The following ZFP64 variants were observed in gnomAD, a reference collection of about 807,000 sequenced individuals.
ZFP64 encodes ZFP64 zinc finger protein.
Under a neutral mutation model 51.6 loss-of-function variants are expected in ZFP64, and 14 were observed. The ratio of observed to expected loss-of-function variants is 0.27; its 90% CI spans 0.18 to 0.42. The LOEUF (loss-of-function observed/expected upper bound fraction) is 0.42. Among genes scored for constraint, ZFP64 ranks in the 10% least tolerant of loss-of-function variants. ZFP64 has a pLI of 1.00. For synonymous variants in ZFP64, 375 were observed against 361.4 expected (o/e 1.04, Z -0.43); for missense variants, 754 against 906.8 (o/e 0.83, Z 2.16).
At chr20:52,137,396 T>G (rs1031667120) in intron 5 of ZFP64, among the ~76,000 whole-genome samples, 12 of 152,078 alleles carry the variant, frequency 7.9e-5, no homozygotes, top group African/African-American at 2.9e-4. Context: ...ATCCAACTTT[T>G]CATCTCCACC....
chr20:52,096,179 T>C (rs962212248), intron 7 of ZFP64, among the ~76,000 whole-genome samples: 20 of 152,198 alleles, frequency 1.3e-4, no homozygotes, highest in African/African-American at 4.3e-4. Context: ...CATCTGGCCA[T>C]GTGTTGCCCC....
chr20:52,134,634 A>C (rs1225732926), intron 5 of ZFP64, among the ~76,000 whole-genome samples: 1 of 152,100 alleles, frequency 6.6e-6, no homozygotes, highest in East Asian at 1.9e-4. Flanking sequence ...AAACACAGTG[A>C]CTTGGAACGT....
chr20:52,164,888 G>A, intron 3 of ZFP64, 131 bp from the exon 4 acceptor site: 1 of 765,608 alleles, frequency 1.3e-6, no homozygotes, highest in Non-Finnish European at 2.3e-6. Context: ...GAGATCTCAT[G>A]TGCCTTCATA....
chr20:52,088,912 T>C, intron 7 of ZFP64: 1 of 614,508 alleles, frequency 1.6e-6, no homozygotes, highest in Non-Finnish European at 3.0e-6. Flanking sequence ...AAAATGGCAG[T>C]GGTTATAGAA....
chr20:52,150,204 CAAA>C (rs11474043), downstream of ZFP64, among the ~76,000 whole-genome samples: 1 of 137,544 alleles, frequency 7.3e-6, no homozygotes. Context: ...GACTCCACCT[CAAA>C]AAAAAAAAAA....
At chr20:52,148,398 A>C (rs1980625054), downstream of ZFP64, among the ~76,000 whole-genome samples, 1 of 152,230 alleles carries the variant, frequency 6.6e-6, no homozygotes, top group Non-Finnish European at 1.5e-5. Context: ...TGGACAGTCA[A>C]ACCTGTTCAT....
intron 6 of ZFP64, chr20:52,097,515 C>T: frequency 7.4e-7 from 1 of 1,348,952 alleles, no homozygotes; most frequent in South Asian, 1.3e-5. Context: ...AGTGCAGTGG[C>T]TCCATCTCGG....
chr20:52,097,268 G>T, intron 7 of ZFP64: 2 of 1,327,566 alleles, frequency 1.5e-6, no homozygotes, highest in Non-Finnish European at 2.2e-6. Flanking sequence ...GTTTCATGAG[G>T]CAGATGAGGC....
In ZFP64 at chr20:52,142,296, C is replaced by T. The variant is rs560322546; in HGVS notation, c.763+17827G>A. ...AGCAGGAGAATTGCTTGAACTCGGG[C>T]GGCGGAGGTTGCAGTGAGCCGAGAT... is the stretch of plus-strand genomic sequence containing the variant. On this transcript the variant is annotated intron_variant, in intron 5 of 8. Coordinates refer to the ZFP64 transcript ENST00000361387. Among the ~76,000 whole-genome samples, 225 of 151,242 alleles carry T rather than the reference C, an allele frequency of 1.5e-3. 2 individuals are homozygous for T. The highest frequency in any genetic ancestry group is 2.1e-3 in the Non-Finnish European group (141 of 67,812).
intron 5 of ZFP64, chr20:52,110,761 C>T: frequency 6.3e-7 from 1 of 1,597,752 alleles, no homozygotes; most frequent in Non-Finnish European, 8.6e-7. Context: ...CTCAAAGTCC[C>T]CCTCCCGGGA....
At chr20:52,095,034 C>T (rs544424694) in intron 7 of ZFP64, among the ~76,000 whole-genome samples, 128 of 152,298 alleles carry the variant, frequency 8.4e-4, no homozygotes, top group African/African-American at 2.8e-3. Context: ...AGGTCAAATA[C>T]GAAGTCAGAA....
chr20:52,089,237 G>T (rs1444086886), intron 7 of ZFP64, among the ~76,000 whole-genome samples: 1 of 152,154 alleles, frequency 6.6e-6, no homozygotes, highest in Non-Finnish European at 1.5e-5. Context: ...ATAAACAAAT[G>T]CTTGGGGAAA....
intron 5 of ZFP64, among the ~76,000 whole-genome samples, chr20:52,130,833 T>C (rs546490255): frequency 2.0e-5 from 3 of 152,230 alleles, no homozygotes; most frequent in South Asian, 2.1e-4. Flanking sequence ...CTCAGCACTT[T>C]GGGAGGCTGA....
Position 52,084,710 on chromosome 20 carries a change from C to G in ZFP64, c.1785G>C (p.Leu595=), listed in dbSNP as rs768789242. 5 of 1,614,234 alleles carry G rather than the reference C, an allele frequency of 3.1e-6. No homozygotes were observed. The Admixed American group carries it at 6.7e-5, about 22-fold the overall frequency. ...CACTGTGCTGCTTCTTGTGGCATCT[C>G]AGAGAGTCATCCCTGACGAAGGAGG... Residue 595 remains leucine (L), a synonymous_variant, in exon 9 of 9, where the codon CTG becomes CTC. Coordinates refer to the ZFP64 transcript ENST00000361387.
chr20:52,103,209 T>G (rs967682757), intron 5 of ZFP64, among the ~76,000 whole-genome samples: 9 of 152,170 alleles, frequency 5.9e-5, no homozygotes, highest in African/African-American at 2.2e-4. Context: ...ACGGATGATG[T>G]TCCCTCAGTA....
At chr20:52,135,353 G>T (rs1241360104) in intron 5 of ZFP64, among the ~76,000 whole-genome samples, 1 of 152,210 alleles carries the variant, frequency 6.6e-6, no homozygotes, top group Non-Finnish European at 1.5e-5. Flanking sequence ...AGTTGGAACA[G>T]AGAAGATATG....
At chr20:52,125,946 A>G (rs980159052) in intron 5 of ZFP64, among the ~76,000 whole-genome samples, 14 of 151,666 alleles carry the variant, frequency 9.2e-5, no homozygotes, top group Admixed American at 1.3e-4. Flanking sequence ...CAGTAGTGCC[A>G]TCTTGGCTCA....
chr20:52,088,918 T>C (rs143132443), intron 7 of ZFP64: 41 of 615,632 alleles, frequency 6.7e-5, no homozygotes, highest in Non-Finnish European at 1.2e-4. Context: ...GCAGTGGTTA[T>C]AGAAGTACTC....
At chr20:52,187,138 T>C in intron 1 of ZFP64, 67 bp from the exon 2 acceptor site, 2 of 1,520,932 alleles carry the variant, frequency 1.3e-6, no homozygotes, top group Admixed American at 1.8e-5. Context: ...GCAGACCAGA[T>C]TCATGGTAGG....
Sources: gnomAD v4.1 joint callset for allele counts (sites outside exome capture counted in the v4.1 genomes callset) on GRCh38, gnomAD v4.1.1 for gene constraint, MANE v1.5 for transcripts, NCBI Gene and HGNC (gene_info 2026-07-23, HGNC 2026-07-21) for gene names.